The following PLXNA2 variants were observed in gnomAD, a reference collection of about 807,000 sequenced individuals.
PLXNA2 encodes the protein plexin A2, also known as plexin-A2.
PLXNA2 carries 91 observed loss-of-function variants against 193.5 expected under a neutral mutation model. The ratio of observed to expected loss-of-function variants is 0.47; its 90% confidence interval spans 0.40 to 0.56. The LOEUF (loss-of-function observed/expected upper bound fraction) is 0.56. Ranked by LOEUF, PLXNA2 falls within the 20% of genes least tolerant of loss-of-function variation. The pLI, the probability that PLXNA2 is intolerant of heterozygous loss-of-function variation, is 0.00. For missense variants in PLXNA2, 1,995 were observed against 2,503.2 expected (o/e 0.80, Z 4.33); for synonymous variants, 997 against 1,027.3 (o/e 0.97, Z 0.56).
intron 3 of PLXNA2, among the ~76,000 whole-genome samples, chr1:208,201,142 G>A (rs769770587): frequency 7.2e-5 from 11 of 152,208 alleles, no homozygotes; most frequent in South Asian, 2.1e-4. Context: ...TGTCTGATAC[G>A]CATAGCAATC....
At chr1:208,096,952 G>A (rs1362445497) in intron 6 of PLXNA2, 69 bp from the exon 7 acceptor site, 1 of 1,471,714 alleles carries the variant, frequency 6.8e-7, no homozygotes, top group Non-Finnish European at 9.2e-7. Context: ...GTCCAGCCCT[G>A]CTGTGACCCA....
chr1:208,209,983 A>AATTTTTTTTT (rs34413554), intron 3 of PLXNA2: 2,976 of 87,470 alleles, frequency 0.034, 538 homozygotes, highest in African/African-American at 0.065. Context: ...ATGAAGAGCA[A>AATTTTTTTTT]TTTTTTTTTT....
rs964215394 is a variant in PLXNA2 at position 208,044,413 on chromosome 1, G to A, written c.3874+95C>T. The A allele has an allele frequency of 8.3e-6, 7 of 843,638 alleles. No individual in the cohort carries two copies. Among genetic ancestry groups the A allele is most frequent in the African/African-American group, 3.3e-5 (2 of 59,968 alleles). 52.3% of individuals were successfully genotyped at this position (843,638 alleles called of 1,614,324 possible). A position where few individuals can be genotyped will look rare whatever the true frequency, so the allele number is the denominator to read the frequency against. ...GGAATGCAGAGGCATGGCTGGCAGC[G>A]ATGGGAGTAAAGATAGGAGTTGTCT... On this transcript the variant is annotated intron_variant, in intron 20 of 31. Transcript: ENST00000367033. This position sits in a 1 kb window ranked among gnomAD's most constrained non-coding sequence, Gnocchi z 4.9.
intron 3 of PLXNA2, among the ~76,000 whole-genome samples, chr1:208,186,768 G>C (rs1670018906): frequency 6.8e-6 from 1 of 146,492 alleles, no homozygotes; most frequent in African/African-American, 2.6e-5. Context: ...GCGGGACTGC[G>C]GACTGCAGTG....
chr1:208,040,642 T>C (rs1664834061), intron 22 of PLXNA2, among the ~76,000 whole-genome samples: 1 of 152,224 alleles, frequency 6.6e-6, no homozygotes, highest in Non-Finnish European at 1.5e-5. Flanking sequence ...GAGACAGTCA[T>C]AATAACATCC....
intron 4 of PLXNA2, among the ~76,000 whole-genome samples, chr1:208,126,170 T>G (rs1170778390): frequency 1.3e-5 from 2 of 151,968 alleles, no homozygotes; most frequent in Non-Finnish European, 2.9e-5. Flanking sequence ...CATGAACGAT[T>G]GGTGGGTGGG....
At chr1:208,119,912 C>T (rs1274799125) in intron 4 of PLXNA2, among the ~76,000 whole-genome samples, 2 of 152,236 alleles carry the variant, frequency 1.3e-5, no homozygotes, top group Non-Finnish European at 1.5e-5. Context: ...CCGCACCTGG[C>T]CTTCTCCGGA....
At chr1:208,230,075 T>C (rs1558256894) in intron 1 of PLXNA2, 1 of 152,216 alleles carries the variant, frequency 6.6e-6, no homozygotes. Context: ...ATCAATGAGA[T>C]AATGGATGTG....
intron 17 of PLXNA2, among the ~76,000 whole-genome samples, chr1:208,046,796 T>C (rs532733883): frequency 1.7e-3 from 91 of 53,558 alleles, no homozygotes; most frequent in African/African-American, 5.8e-3. Context: ...CAGAACAGCA[T>C]AGTGTGTGTG....
intron 13 of PLXNA2, among the ~76,000 whole-genome samples, chr1:208,058,821 A>G (rs750304836): frequency 6.6e-6 from 1 of 152,082 alleles, no homozygotes; most frequent in Non-Finnish European, 1.5e-5. Flanking sequence ...CATAAATAGC[A>G]CTGAAATTCC....
At chr1:208,069,681 G>A (rs1314843394) in intron 12 of PLXNA2, among the ~76,000 whole-genome samples, 1 of 152,146 alleles carries the variant, frequency 6.6e-6, no homozygotes, top group Non-Finnish European at 1.5e-5. Flanking sequence ...TTCAGAGTAG[G>A]GGCTTATCGG....
intron 20 of PLXNA2, among the ~76,000 whole-genome samples, chr1:208,043,894 C>T (rs904703274): frequency 6.6e-6 from 1 of 152,208 alleles, no homozygotes; most frequent in African/African-American, 2.4e-5. Flanking sequence ...ACCCAGAGAG[C>T]CTGCCAGGTC....
chr1:208,181,428 C>T (rs1316086432), intron 3 of PLXNA2, among the ~76,000 whole-genome samples: 3 of 152,208 alleles, frequency 2.0e-5, no homozygotes, highest in Non-Finnish European at 4.4e-5. Flanking sequence ...TTTGCTTTCC[C>T]AGTGAGGGGG....
chr1:208,125,725 A>G (rs966421296), intron 4 of PLXNA2, among the ~76,000 whole-genome samples: 4 of 152,146 alleles, frequency 2.6e-5, no homozygotes, highest in African/African-American at 9.7e-5. Context: ...GTACTTTTCT[A>G]TTAAAATTAT....
At chr1:208,224,289 C>T (rs372385016) in intron 1 of PLXNA2, among the ~76,000 whole-genome samples, 1 of 143,612 alleles carries the variant, frequency 7.0e-6, no homozygotes. Flanking sequence ...ACTCTGATGG[C>T]GTCTATAATA....
At chr1:208,144,758 T>C (rs1668557404) in intron 3 of PLXNA2, among the ~76,000 whole-genome samples, 1 of 152,178 alleles carries the variant, frequency 6.6e-6, no homozygotes, top group African/African-American at 2.4e-5. Context: ...TCTTTCTCCC[T>C]AGTGAATGGG....
Position 208,082,410 on chromosome 1 carries a change from A to G in PLXNA2, c.2395+2T>C, listed in dbSNP as rs1364165496. On this transcript the variant is annotated splice_donor_variant, in intron 11 of 31. Coordinates refer to ENST00000367033, the MANE Select transcript of PLXNA2 (RefSeq NM_025179.4). LOFTEE classifies it high-confidence loss of function. The surrounding 1 kb of genome is among the most constrained non-coding windows in gnomAD (Gnocchi z 4.2). ...AACTTCTACCCGGAAGTAGCCGCTT[A>G]CCTTTCAGGTCCTGAGGGTTGTCAA... 3.7e-6 allele frequency: 6 copies of G among 1,613,150 alleles called. No individual in the cohort carries two copies. The highest frequency in any genetic ancestry group is 5.1e-6 in the Non-Finnish European group (6 of 1,179,238).
chr1:208,233,029 T>G (rs1397271710), intron 1 of PLXNA2, among the ~76,000 whole-genome samples: 1 of 152,344 alleles, frequency 6.6e-6, no homozygotes, highest in Admixed American at 6.5e-5. Flanking sequence ...CCTGGCCATC[T>G]TCTAGCCTCT....
chr1:208,240,286 G>C (rs532576251), intron 1 of PLXNA2, among the ~76,000 whole-genome samples: 6 of 152,182 alleles, frequency 3.9e-5, no homozygotes, highest in Non-Finnish European at 7.3e-5. Flanking sequence ...AGAGCCTGAG[G>C]GCTAAGCCCA....
Sources: gnomAD v4.1 joint callset for allele counts (sites outside exome capture counted in the v4.1 genomes callset) on GRCh38, gnomAD v4.1.1 for gene constraint, Gnocchi (gnomAD v3.1) non-coding constraint, MANE v1.5 for transcripts, NCBI Gene and HGNC (gene_info 2026-07-23, HGNC 2026-07-21) for gene names.